Variants in GPRC5C observed in about 807,000 individuals in gnomAD.
The protein encoded by GPRC5C is G protein-coupled receptor class C group 5 member C, also known as G protein-coupled receptor family C group 5 member C.
Under a neutral mutation model 31.4 loss-of-function variants are expected in GPRC5C, and 22 were observed. That is an observed-to-expected ratio of 0.70 (90% CI 0.50 to 1.00). The LOEUF (loss-of-function observed/expected upper bound fraction) is 1.00. GPRC5C is among the 50% of genes least tolerant of loss of function. GPRC5C has a pLI of 0.00. For synonymous variants in GPRC5C, 249 were observed against 257.5 expected (o/e 0.97, Z 0.32); for missense variants, 557 against 597.2 (o/e 0.93, Z 0.70).
chr17:74,448,676 G>A, downstream of GPRC5C: 1 of 406,784 alleles, frequency 2.5e-6, no homozygotes, highest in Non-Finnish European at 4.9e-6. Flanking sequence ...ACCACTCTCG[G>A]CCCATCAGCT....
intron 2 of GPRC5C, among the ~76,000 whole-genome samples, chr17:74,441,627 G>A (rs1158140245): frequency 3.9e-5 from 6 of 152,018 alleles, no homozygotes; most frequent in Non-Finnish European, 8.8e-5. Context: ...GTTTGAGACC[G>A]GCCTGGACAA....
At position 74,439,877 on chromosome 17, in the gene GPRC5C, G is replaced by A; in HGVS notation, c.101G>A (p.Gly34Asp). 6.2e-7 allele frequency: 1 copy of A among 1,613,212 alleles called. No homozygotes were observed. Among genetic ancestry groups the A allele is most frequent in the East Asian group, 2.2e-5 (1 of 44,868 alleles). ...QGHVPPGCSQGLNPLYYNLCD... is the reference protein window; with the variant it reads ...QGHVPPGCSQDLNPLYYNLCD... ...CATGTCCCACCCGGCTGCAGCCAAG[G>A]CCTCAACCCCCTGTACTACAACCTG... Residue 34 changes from glycine (G) to aspartate (D), a missense_variant, in exon 2 of 4, where the codon GGC (glycine) becomes GAC (aspartate). Physicochemically the swap from Gly to Asp is moderately conservative, Grantham distance 94 (BLOSUM62 -1). Transcript: ENST00000392627.
rs199926510 is a variant in GPRC5C, at chr17:74,440,631, C to T, written c.855C>T (p.Ala285=). The T allele has an allele frequency of 3.6e-4, 578 of 1,607,670 alleles. 1 individual carries two copies. In the South Asian group the frequency reaches 5.2e-3, roughly 14 times the overall value. Residue 285 remains alanine (A), a synonymous_variant, in exon 2 of 4, where the codon GCC becomes GCT. Transcript: ENST00000392627. This position sits in a 1 kb window ranked among gnomAD's most constrained non-coding sequence, Gnocchi z 4.4. ...WDDPTLAIAL[A]ANAWAFVLFY... ...ACCCCACGCTGGCCATCGCCCTCGC[C>T]GCCAATGCCTGGGCCTTCGTCCTCT...
chr17:74,443,371 G>A, intron 2 of GPRC5C: 1 of 329,628 alleles, frequency 3.0e-6, no homozygotes, highest in South Asian at 2.4e-5. Flanking sequence ...GGCTTAGGCC[G>A]AGGGCTCTCA....
chr17:74,443,804 GC>G lies in GPRC5C; in HGVS notation c.1052-13del. 6.3e-7 allele frequency: 1 copy of G among 1,591,044 alleles called. No individual in the cohort carries two copies. The highest frequency in any genetic ancestry group is 8.6e-7 in the Non-Finnish European group (1 of 1,158,972). On this transcript the variant is annotated splice_polypyrimidine_tract_variant and intron_variant, in intron 2 of 3. Transcript: ENST00000392627. ...GCCCTGGGATCTTCAAACTGTTCCT[GC>G]TTTTCCTTGTAGCTAAGAGGCCGGT...
intron 1 of GPRC5C, among the ~76,000 whole-genome samples, chr17:74,433,995 T>TCTGAGCCC (rs1200677809): frequency 1.3e-5 from 2 of 152,100 alleles, no homozygotes; most frequent in African/African-American, 4.8e-5. Context: ...CCTCTGAGCC[T>TCTGAGCCC]CTGAGCCCAC....
At chr17:74,438,401 T>C (rs564096004) in intron 1 of GPRC5C, among the ~76,000 whole-genome samples, 1 of 151,586 alleles carries the variant, frequency 6.6e-6, no homozygotes, top group East Asian at 1.9e-4. Context: ...GCTGGTATTA[T>C]AGGCGTGCAC....
Position 74,440,720 on chromosome 17 carries a change from A to T in GPRC5C, c.944A>T (p.Asp315Val). Residue 315 changes from aspartate (D) to valine (V), a missense_variant, in exon 2 of 4, where the codon GAC becomes GTC. Physicochemically the swap from Asp to Val is radical, Grantham distance 152. Transcript: ENST00000392627. This position sits in a 1 kb window ranked among gnomAD's most constrained non-coding sequence, Gnocchi z 4.4. ...KSSPEQSYQG[D>V]MYPTRGVGYE... is the part of the protein sequence containing the mutation. ...AGCCCAGAGCAAAGCTACCAGGGGG[A>T]CATGTACCCCACCCGGGGCGTGGGC... is the stretch of plus-strand genomic sequence containing the variant. 6.2e-7 allele frequency: 1 copy of T among 1,601,936 alleles called. No homozygotes were observed. The highest frequency in any genetic ancestry group is 8.5e-7 in the Non-Finnish European group (1 of 1,171,114).
At chr17:74,434,163 A>G (rs2055398424) in intron 1 of GPRC5C, among the ~76,000 whole-genome samples, 1 of 152,200 alleles carries the variant, frequency 6.6e-6, no homozygotes, top group Non-Finnish European at 1.5e-5. Flanking sequence ...ATTCCAGGGA[A>G]GTGAAGCAAA....
intron 1 of GPRC5C, among the ~76,000 whole-genome samples, chr17:74,433,925 T>C (rs551082424): frequency 1.1e-4 from 16 of 152,290 alleles, no homozygotes; most frequent in African/African-American, 3.8e-4. Context: ...GTCTCCCCGG[T>C]TGCTGGATGA....
chr17:74,433,923 G>C (rs1440372867), intron 1 of GPRC5C, among the ~76,000 whole-genome samples: 2 of 152,154 alleles, frequency 1.3e-5, no homozygotes, highest in African/African-American at 2.4e-5. Flanking sequence ...CTGTCTCCCC[G>C]GTTGCTGGAT....
At chr17:74,433,143 A>G (rs2055380568) in intron 1 of GPRC5C, among the ~76,000 whole-genome samples, 1 of 151,972 alleles carries the variant, frequency 6.6e-6, no homozygotes, top group South Asian at 2.1e-4. Context: ...GGAAGACCCA[A>G]TCACTTACAA....
chr17:74,435,299 C>CT (rs1362849353), intron 1 of GPRC5C, among the ~76,000 whole-genome samples: 3 of 152,346 alleles, frequency 2.0e-5, no homozygotes, highest in African/African-American at 7.2e-5. Flanking sequence ...CTGAGCTTCT[C>CT]TTTAACTCTC....
Position 74,440,673 on chromosome 17 carries a change from G to GGT in GPRC5C, c.898_899dup (p.Gln302ProfsTer3). The stretch of plus-strand genomic sequence containing the variant: ...TCGTCCTCTTCTACGTCATCCCCGA[G>GGT]GTCTCCCAGGTGACCAAGTCCAGCC... On this transcript the variant is annotated frameshift_variant, in exon 2 of 4. Coordinates refer to ENST00000392627, the MANE Select transcript of GPRC5C (RefSeq NM_022036.4). LOFTEE classifies it high-confidence loss of function. This position sits in a 1 kb window ranked among gnomAD's most constrained non-coding sequence, Gnocchi z 4.4. 6.2e-7 allele frequency: 1 copy of GGT among 1,608,032 alleles called. No homozygotes were observed. Among genetic ancestry groups the GGT allele is most frequent in the Non-Finnish European group, 8.5e-7 (1 of 1,175,108 alleles).
chr17:74,445,608 T>C lies in GPRC5C; in HGVS notation c.1147-1241T>C, dbSNP rs192906786. 3.9e-5 allele frequency: 6 copies of C among 152,434 alleles called. No homozygotes were observed. The East Asian group carries it at 1.2e-3, about 29-fold the overall frequency. The allele number at this position is 152,434 out of a possible 1,614,324, so 9.4% of individuals were successfully genotyped here. On this transcript the variant is annotated intron_variant, in intron 3 of 3. Coordinates refer to ENST00000392627, the MANE Select transcript of GPRC5C (RefSeq NM_022036.4). Reference sequence around the variant, plus strand: ...AGATGTAGATGTTCCAGGGACCACATGGACAGGGGCCATTGCAGACAGGCC... The same window carrying C: ...AGATGTAGATGTTCCAGGGACCACACGGACAGGGGCCATTGCAGACAGGCC...
chr17:74,451,368 C>T (rs1346446042), downstream of GPRC5C: 1 of 152,214 alleles, frequency 6.6e-6, no homozygotes, highest in African/African-American at 2.4e-5. Flanking sequence ...TGCCTGTATT[C>T]AGGAGTACCC....
At position 74,446,927 on chromosome 17, in the gene GPRC5C, C is replaced by T. The variant is rs371805436; in HGVS notation, c.1225C>T (p.Arg409Trp). 57 of 1,614,080 alleles carry T rather than the reference C, an allele frequency of 3.5e-5. No homozygotes were observed. Among genetic ancestry groups the T allele is most frequent in the African/African-American group, 3.1e-4 (23 of 75,064 alleles). Residue 409 changes from arginine (R) to tryptophan (W), a missense_variant, in exon 4 of 4, where the codon CGG becomes TGG. Physicochemically the swap from Arg to Trp is moderately radical, Grantham distance 101. Transcript: ENST00000392627. ...QVMGSANSTL[R>W]AEDMYSAQSH... is the part of the protein sequence containing the mutation. Reference sequence around the variant, plus strand: ...GATGGGCAGTGCCAACTCGACCCTGCGGGCTGAAGACATGTACTCGGCCCA... The same window carrying T: ...GATGGGCAGTGCCAACTCGACCCTGTGGGCTGAAGACATGTACTCGGCCCA...
At chr17:74,434,246 G>A (rs1408468454) in intron 1 of GPRC5C, among the ~76,000 whole-genome samples, 1 of 152,170 alleles carries the variant, frequency 6.6e-6, no homozygotes, top group African/African-American at 2.4e-5. Flanking sequence ...GACTCAGGGC[G>A]GAAGGAGGTT....
chr17:74,451,466 C>T (rs1021675973), downstream of GPRC5C: 23 of 152,098 alleles, frequency 1.5e-4, no homozygotes, highest in African/African-American at 5.3e-4. Flanking sequence ...TTGAGGTGGT[C>T]GAGTGGCATC....
Sources: gnomAD v4.1 joint callset for allele counts (sites outside exome capture counted in the v4.1 genomes callset) on GRCh38, gnomAD v4.1.1 for gene constraint, Gnocchi (gnomAD v3.1) non-coding constraint, MANE v1.5 for transcripts, NCBI Gene and HGNC (gene_info 2026-07-23, HGNC 2026-07-21) for gene names.